Variants in MAGI3 observed in about 807,000 individuals in gnomAD.
MAGI3 encodes the protein membrane associated guanylate kinase, WW and PDZ domain containing 3, also known as membrane-associated guanylate kinase, WW and PDZ domain-containing protein 3.
In MAGI3, 43 loss-of-function variants were observed where a neutral mutation model predicts 121.8. The observed-to-expected ratio is 0.35, with a 90% confidence interval of 0.28 to 0.46. MAGI3 has a LOEUF of 0.46. Ranked by LOEUF, MAGI3 falls within the 20% of genes least tolerant of loss-of-function variation. The pLI is 1.00. For missense variants in MAGI3, 1,547 were observed against 1,797.3 expected (o/e 0.86, Z 2.52); for synonymous variants, 553 against 639.3 (o/e 0.86, Z 2.04).
intron 1 of MAGI3, among the ~76,000 whole-genome samples, chr1:113,454,921 A>C (rs1167474611): frequency 2.0e-5 from 3 of 152,208 alleles, no homozygotes; most frequent in Non-Finnish European, 4.4e-5. Context: ...TATAGCCAGA[A>C]ACATGAATCT....
intron 1 of MAGI3, among the ~76,000 whole-genome samples, chr1:113,523,494 G>A (rs1024756407): frequency 6.6e-6 from 1 of 152,276 alleles, no homozygotes; most frequent in East Asian, 1.9e-4. Context: ...GGTCTCAGAT[G>A]GAAATGAGGA....
At chr1:113,572,330 A>G (rs1438669042) in intron 2 of MAGI3, among the ~76,000 whole-genome samples, 2 of 152,280 alleles carry the variant, frequency 1.3e-5, no homozygotes, top group Non-Finnish European at 2.9e-5. Flanking sequence ...ATCGATGTTC[A>G]TTAGGGATAT....
chr1:113,545,544 T>G (rs1659498911), intron 1 of MAGI3, among the ~76,000 whole-genome samples: 1 of 152,244 alleles, frequency 6.6e-6, no homozygotes, highest in Non-Finnish European at 1.5e-5. Flanking sequence ...TAATAGTTAC[T>G]TTATATACTG....
chr1:113,611,090 T>C (rs895995967), intron 6 of MAGI3, among the ~76,000 whole-genome samples: 1 of 146,396 alleles, frequency 6.8e-6, no homozygotes, highest in African/African-American at 2.5e-5. Context: ...TAATTATTCT[T>C]TTTTTTTTTT....
chr1:113,435,745 A>C (rs1047221301), intron 1 of MAGI3, among the ~76,000 whole-genome samples: 1 of 152,184 alleles, frequency 6.6e-6, no homozygotes, highest in African/African-American at 2.4e-5. Context: ...GATTTGAAAT[A>C]TTACAAAAGA....
chr1:113,395,575 C>T (rs553876445), intron 1 of MAGI3, among the ~76,000 whole-genome samples: 4 of 151,892 alleles, frequency 2.6e-5, no homozygotes, highest in Admixed American at 2.0e-4. Flanking sequence ...AATATTTTCT[C>T]TCCATCATTC....
At chr1:113,644,858 T>C (rs1652743968) in intron 11 of MAGI3, among the ~76,000 whole-genome samples, 1 of 152,192 alleles carries the variant, frequency 6.6e-6, no homozygotes, top group Admixed American at 6.5e-5. Context: ...TTAGTTCTAG[T>C]TTGCTCCTTT....
intron 14 of MAGI3, among the ~76,000 whole-genome samples, chr1:113,651,803 G>GC (rs1553213555): frequency 6.6e-6 from 1 of 151,042 alleles, no homozygotes; most frequent in Non-Finnish European, 1.5e-5. Context: ...AATTTGTTTT[G>GC]TTTTTTTTTA....
chr1:113,556,533 G>A lies in MAGI3; in HGVS notation c.433+6902G>A, dbSNP rs114437636. 9.6e-3 allele frequency among the ~76,000 whole-genome samples: 1,431 copies of A among 149,722 alleles called. 24 individuals are homozygous for A. Among genetic ancestry groups the A allele is most frequent in the African/African-American group, 0.033 (1,347 of 40,978 alleles). On this transcript the variant is annotated intron_variant, in intron 2 of 20. Coordinates refer to ENST00000307546, the MANE Select transcript of MAGI3 (RefSeq NM_001142782.2). ...ACTGAAAATCCTATAGATGTTAAGTGTGTAAGTGTATGATAAAGATTTTTT... is the reference window on the plus strand; with the variant it reads ...ACTGAAAATCCTATAGATGTTAAGTATGTAAGTGTATGATAAAGATTTTTT...
chr1:113,458,672 C>T (rs1654887619), intron 1 of MAGI3, among the ~76,000 whole-genome samples: 2 of 151,934 alleles, frequency 1.3e-5, no homozygotes, highest in Admixed American at 6.6e-5. Context: ...TGCCACTGCA[C>T]CCAGCTAGTT....
chr1:113,534,467 G>A (rs1437582998), intron 1 of MAGI3, among the ~76,000 whole-genome samples: 1 of 152,008 alleles, frequency 6.6e-6, no homozygotes, highest in East Asian at 1.9e-4. Flanking sequence ...CTCCTGCCTG[G>A]AATGCCCACT....
intron 1 of MAGI3, among the ~76,000 whole-genome samples, chr1:113,413,578 T>C (rs893641655): frequency 1.1e-4 from 16 of 152,172 alleles, no homozygotes; most frequent in Admixed American, 1.3e-4. Flanking sequence ...TAGTTCTCCT[T>C]GAAGAGGTCC....
chr1:113,562,144 G>A (rs529721602), intron 2 of MAGI3, among the ~76,000 whole-genome samples: 3 of 152,290 alleles, frequency 2.0e-5, no homozygotes, highest in East Asian at 1.9e-4. Context: ...GGTGGCTCAC[G>A]CCTGTAATCC....
intron 9 of MAGI3, among the ~76,000 whole-genome samples, chr1:113,640,264 G>A (rs771200762): frequency 5.4e-5 from 8 of 148,486 alleles, no homozygotes; most frequent in Middle Eastern, 3.6e-3. Context: ...AAACAGGAAC[G>A]CTTTTACACT....
At chr1:113,423,214 T>C (rs942220484) in intron 1 of MAGI3, among the ~76,000 whole-genome samples, 4 of 146,380 alleles carry the variant, frequency 2.7e-5, no homozygotes, top group African/African-American at 5.0e-5. Context: ...GCGTAGTTCC[T>C]ATCTGCAGGC....
At position 113,416,328 on chromosome 1, in the gene MAGI3, A is replaced by ACG. The variant is rs56866757; in HGVS notation, c.316+24979_316+24980insCG. Among the ~76,000 whole-genome samples the ACG allele has an allele frequency of 1.7e-4, 21 of 125,320 alleles. 1 individual carries two copies. The highest frequency in any genetic ancestry group is 2.9e-4 in the Non-Finnish European group (18 of 61,656). 82.2% of individuals were successfully genotyped at this position (125,320 alleles called of 152,430 possible). ...TATGTAATTAATTATGTAATTAATTATATATCAATCATATATTAATTATAT... is the reference window on the plus strand; with the variant it reads ...TATGTAATTAATTATGTAATTAATTACGTATATCAATCATATATTAATTATAT... On this transcript the variant is annotated intron_variant, in intron 1 of 20. Coordinates refer to ENST00000307546, the MANE Select transcript of MAGI3 (RefSeq NM_001142782.2).
intron 1 of MAGI3, among the ~76,000 whole-genome samples, chr1:113,465,343 T>G (rs976540359): frequency 5.9e-5 from 9 of 152,170 alleles, no homozygotes; most frequent in African/African-American, 2.2e-4. Context: ...GTGTTCTTTA[T>G]TCTGTTCCAT....
intron 1 of MAGI3, among the ~76,000 whole-genome samples, chr1:113,492,176 A>T (rs2101583502): frequency 6.6e-6 from 1 of 152,348 alleles, no homozygotes; most frequent in East Asian, 1.9e-4. Context: ...CACCATGATC[A>T]AGTAGGTTTT....
At chr1:113,671,342 C>G (rs1482037623) in intron 16 of MAGI3, among the ~76,000 whole-genome samples, 1 of 151,944 alleles carries the variant, frequency 6.6e-6, no homozygotes, top group African/African-American at 2.4e-5. Context: ...TCCTGAGACC[C>G]GGCTTTGTTA....
Sources: gnomAD v4.1 joint callset for allele counts (sites outside exome capture counted in the v4.1 genomes callset) on GRCh38, gnomAD v4.1.1 for gene constraint, MANE v1.5 for transcripts, NCBI Gene and HGNC (gene_info 2026-07-23, HGNC 2026-07-21) for gene names.